CEP83: variants seen among roughly 807,000 people sequenced by gnomAD.
The protein encoded by CEP83 is centrosomal protein of 83 kDa.
In CEP83, 70 loss-of-function variants were observed where a neutral mutation model predicts 101.9. The ratio of observed to expected loss-of-function variants is 0.69; its 90% confidence interval spans 0.57 to 0.84. The LOEUF is 0.84. Ranked by LOEUF, CEP83 falls within the 40% of genes least tolerant of loss-of-function variation. CEP83 has a pLI of 0.00. For synonymous variants in CEP83, 264 were observed against 267.9 expected (o/e 0.99, Z 0.14); for missense variants, 715 against 787.2 (o/e 0.91, Z 1.10).
chr12:94,292,118 G>A, the CEP83 span, among the ~76,000 whole-genome samples: 13 of 152,124 alleles, frequency 8.5e-5, no homozygotes, highest in Admixed American at 8.5e-4. Context: ...CTAACACATA[G>A]TAATAATGAA....
the CEP83 span, chr12:94,301,172 GAT>G: frequency 1.5e-6 from 1 of 687,400 alleles, no homozygotes; most frequent in Non-Finnish European, 2.3e-6. Flanking sequence ...GCTAAAAAGA[GAT>G]AGCAAGGGCC....
the CEP83 span, among the ~76,000 whole-genome samples, chr12:94,275,119 C>G: frequency 1.3e-5 from 2 of 152,222 alleles, no homozygotes; most frequent in Non-Finnish European, 2.9e-5. Context: ...GGGCCTGGAA[C>G]TCAGGGCCCT....
At position 94,402,736 on chromosome 12, in the gene CEP83, T is replaced by C. The variant is rs147343407; in HGVS notation, c.417+434A>G. ...CAATATGGTGAAACCCCGTTTCTAC[T>C]AAAAATACAAAAATTAGCCAGGTAC... On this transcript the variant is annotated intron_variant, in intron 5 of 16. Transcript: ENST00000397809. 1.8e-3 allele frequency: 267 copies of C among 152,548 alleles called. 2 individuals carry two copies. In the East Asian group the frequency reaches 0.027, roughly 15 times the overall value. The allele number at this position is 152,548 out of a possible 1,614,324, so 9.4% of individuals were successfully genotyped here.
At chr12:94,376,127 CAACTT>C (rs1231715546) in intron 7 of CEP83, 110 bp from the exon 8 acceptor site, 27 of 665,594 alleles carry the variant, frequency 4.1e-5, no homozygotes, top group Non-Finnish European at 5.5e-5. Context: ...TTCAAAACCT[CAACTT>C]AACATATACC....
intron 14 of CEP83, among the ~76,000 whole-genome samples, chr12:94,323,168 T>C (rs1261136220): frequency 6.6e-6 from 1 of 152,180 alleles, no homozygotes; most frequent in African/African-American, 2.4e-5. Context: ...GTCACTGCTC[T>C]ATCCCCTGTA....
Position 94,367,884 on chromosome 12 carries a change from C to T in CEP83, c.1253G>A (p.Trp418Ter), listed in dbSNP as rs754628603. Residue 418 changes from tryptophan to a stop codon, truncating the protein, a stop_gained, in exon 11 of 17, where the codon TGG becomes TAG. Coordinates refer to ENST00000397809, the MANE Select transcript of CEP83 (RefSeq NM_016122.3). LOFTEE classifies it high-confidence loss of function. ...ATACTGATCCTTTTCAGATTGCCTC[C>T]AGACATCATGTTCCACTTTCATTTT... is the stretch of plus-strand genomic sequence containing the variant. Reference protein sequence around the residue: ...LEKMKVEHDVWRQSEKDQYEE... With the variant: ...LEKMKVEHDV The T allele has an allele frequency of 6.2e-7, 1 of 1,613,712 alleles. No individual in the cohort carries two copies. The highest frequency in any genetic ancestry group is 1.1e-5 in the South Asian group (1 of 91,074).
chr12:94,400,942 A>G lies in CEP83; in HGVS notation c.457T>C (p.Tyr153His). 6 of 1,509,296 alleles carry G rather than the reference A, an allele frequency of 4.0e-6. No homozygotes were observed. Among genetic ancestry groups the G allele is most frequent in the Non-Finnish European group, 5.3e-6 (6 of 1,125,496 alleles). The allele number at this position is 1,509,296 out of a possible 1,614,324, so 93.5% of individuals were successfully genotyped here. A position where few individuals can be genotyped will look rare whatever the true frequency, so the allele number is the denominator to read the frequency against. ...KYRAVYNKLRYEHTFLKSEFE... is the reference protein window; with the variant it reads ...KYRAVYNKLRHEHTFLKSEFE... ...TCTGACTTGAGAAATGTATGTTCAT[A>G]GCGAAGCTTATTATATACAGCTCTA... The change falls in exon 6 of 17, where the codon TAT (tyrosine) becomes CAT (histidine). Residue 153 changes from tyrosine (Y) to histidine (H), a missense_variant. By Grantham distance (83) the Tyr-to-His change is moderately conservative (BLOSUM62 2). Transcript: ENST00000397809.
intron 2 of CEP83, among the ~76,000 whole-genome samples, chr12:94,430,829 A>G (rs964906852): frequency 7.2e-5 from 11 of 152,206 alleles, no homozygotes; most frequent in African/African-American, 2.4e-4. Context: ...CAAACTGTCA[A>G]CAATCAAAGA....
intron 11 of CEP83, among the ~76,000 whole-genome samples, chr12:94,365,513 T>C (rs1003233100): frequency 6.6e-6 from 1 of 152,180 alleles, no homozygotes; most frequent in African/African-American, 2.4e-5. Flanking sequence ...TCAACACCTA[T>C]AATCCCAGTA....
chr12:94,414,163 A>G (rs1802685199), intron 2 of CEP83, among the ~76,000 whole-genome samples: 1 of 152,210 alleles, frequency 6.6e-6, no homozygotes, highest in African/African-American at 2.4e-5. Context: ...CTGGGATTCA[A>G]TCTTTGTAAA....
intron 14 of CEP83, among the ~76,000 whole-genome samples, chr12:94,323,592 A>T (rs1220200159): frequency 6.6e-6 from 1 of 152,110 alleles, no homozygotes; most frequent in Admixed American, 6.6e-5. Context: ...AAGGTGCTGT[A>T]TTTACTTACT....
intron 6 of CEP83, among the ~76,000 whole-genome samples, chr12:94,399,704 A>G (rs2137553755): frequency 6.6e-6 from 1 of 152,344 alleles, no homozygotes; most frequent in Middle Eastern, 3.4e-3. Flanking sequence ...AGCCTGGGCC[A>G]CAGAGCAAGA....
chr12:94,449,281 T>A (rs187018536), intron 1 of CEP83, among the ~76,000 whole-genome samples: 1 of 152,154 alleles, frequency 6.6e-6, no homozygotes, highest in African/African-American at 2.4e-5. Flanking sequence ...AACCAATAAT[T>A]TTAAATATTC....
rs145510261 is a variant in CEP83 at position 94,331,516 on chromosome 12, G to A, written c.1707+184C>T. 0.015 allele frequency among the ~76,000 whole-genome samples: 2,307 copies of A among 151,508 alleles called. 23 individuals carry two copies. Among genetic ancestry groups the A allele is most frequent in the Non-Finnish European group, 0.023 (1,527 of 67,852 alleles). ...CGAGTAGCTGGGGCTACAGGCGCCC[G>A]CCACTATGCCTGGCTAATTTTTTTG... On this transcript the variant is annotated intron_variant, in intron 14 of 16. Transcript: ENST00000397809.
chr12:94,355,249 T>C (rs947466967), intron 11 of CEP83, among the ~76,000 whole-genome samples: 2 of 152,086 alleles, frequency 1.3e-5, no homozygotes, highest in African/African-American at 4.8e-5. Context: ...ATCTCAGCAC[T>C]TTGGGAGGCC....
intron 14 of CEP83, chr12:94,328,354 A>G (rs2136447524): frequency 4.0e-6 from 1 of 249,280 alleles, no homozygotes; most frequent in Non-Finnish European, 8.3e-6. Flanking sequence ...TACACCAAAG[A>G]CTACTTAAAA....
At chr12:94,379,860 C>T (rs2061742230) in intron 6 of CEP83, among the ~76,000 whole-genome samples, 1 of 152,062 alleles carries the variant, frequency 6.6e-6, no homozygotes, top group Non-Finnish European at 1.5e-5. Flanking sequence ...CTATCCCCTA[C>T]CACCACCCCC....
chr12:94,395,369 TAA>T (rs199629590), intron 6 of CEP83, among the ~76,000 whole-genome samples: 1 of 148,952 alleles, frequency 6.7e-6, no homozygotes, highest in African/African-American at 2.5e-5. Context: ...AGTAACAAAT[TAA>T]AAAAAAAAAT....
the CEP83 span, among the ~76,000 whole-genome samples, chr12:94,266,225 C>A: frequency 6.6e-6 from 1 of 152,170 alleles, no homozygotes; most frequent in African/African-American, 2.4e-5. Context: ...TGGTTATGTC[C>A]TCTGGTGGGA....
Sources: allele counts gnomAD v4.1 joint callset (sites outside exome capture counted in the v4.1 genomes callset), GRCh38; gene constraint gnomAD v4.1.1; transcripts MANE v1.5; gene names NCBI Gene and HGNC (gene_info 2026-07-23, HGNC 2026-07-21).